The following NBPF11 variants were observed in gnomAD, a reference collection of about 807,000 sequenced individuals.
NBPF11 encodes NBPF member 11.
In NBPF11, 72 loss-of-function variants were observed where a neutral mutation model predicts 93.9. The observed-to-expected ratio is 0.77, with a 90% CI of 0.63 to 0.93. NBPF11 has a LOEUF of 0.93. NBPF11 is among the 40% of genes least tolerant of loss of function. The pLI is 0.00. For synonymous variants in NBPF11, 224 were observed against 304.9 expected (o/e 0.73, Z 2.76); for missense variants, 705 against 802.2 (o/e 0.88, Z 1.46).
Position 148,122,316 on chromosome 1 carries a change from T to C in NBPF11, c.567-50A>G, listed in dbSNP as rs1434804406. On this transcript the variant is annotated intron_variant, in intron 8 of 23. Coordinates refer to ENST00000682118, the MANE Select transcript of NBPF11 (RefSeq NM_001385469.3). ...TGACAGAAGATTAAACACAGAGGGATTGGACCCCAAGGAGTCCTAGCTGGT... is the reference window on the plus strand; with the variant it reads ...TGACAGAAGATTAAACACAGAGGGACTGGACCCCAAGGAGTCCTAGCTGGT... The C allele has an allele frequency of 2.8e-3, 4,543 of 1,610,396 alleles. 10 individuals carry two copies. The highest frequency in any genetic ancestry group is 3.6e-3 in the Non-Finnish European group (4,194 of 1,178,526).
intron 15 of NBPF11, among the ~76,000 whole-genome samples, chr1:148,111,919 T>A (rs1665374856): frequency 6.7e-6 from 1 of 150,284 alleles, no homozygotes; most frequent in African/African-American, 2.5e-5. Flanking sequence ...AAGATACTCC[T>A]CGAGAAGAGC....
chr1:148,103,828 G>C lies in NBPF11; in HGVS notation c.*68C>G, dbSNP rs1285786007. On this transcript the variant is annotated 3_prime_UTR_variant, in exon 24 of 24. Transcript: ENST00000682118. Reference sequence around the variant, plus strand: ...GCTGGAATGAGTCAGGTAGTTCAAAGTACATTGATGGAGTCGAATAATATC... The same window carrying C: ...GCTGGAATGAGTCAGGTAGTTCAAACTACATTGATGGAGTCGAATAATATC... 1.2e-5 allele frequency: 19 copies of C among 1,611,480 alleles called. No individual in the cohort carries two copies. The highest frequency in any genetic ancestry group is 1.4e-5 in the Non-Finnish European group (17 of 1,179,452).
intron 1 of NBPF11, among the ~76,000 whole-genome samples, chr1:148,148,454 G>A (rs2149313490): frequency 1.3e-5 from 2 of 152,206 alleles, no homozygotes; most frequent in East Asian, 3.9e-4. Context: ...CTGGGTCAGG[G>A]GCCGCACACC....
At chr1:148,121,412 G>A (rs12023796) in intron 9 of NBPF11, among the ~76,000 whole-genome samples, 18,568 of 144,434 alleles carry the variant, frequency 0.13, 1,281 homozygotes, top group East Asian at 0.25. Flanking sequence ...CAGTGCCACA[G>A]TCTCGGCTCA....
In NBPF11 at chr1:148,129,152, A is replaced by G. The variant is rs1419706059; in HGVS notation, c.-35-2114T>C. Among the ~76,000 whole-genome samples, 90 of 104,200 alleles carry G rather than the reference A, an allele frequency of 8.6e-4. 1 individual carries two copies. Among genetic ancestry groups the G allele is most frequent in the Admixed American group, 3.0e-3 (28 of 9,448 alleles). The allele number at this position is 104,200 out of a possible 152,430, so 68.4% of individuals were successfully genotyped here. ...ATTATTTATATATACACATGTATATATATTATATATATATACACATATATA... is the reference window on the plus strand; with the variant it reads ...ATTATTTATATATACACATGTATATGTATTATATATATATACACATATATA... On this transcript the variant is annotated intron_variant, in intron 4 of 23. Coordinates refer to ENST00000682118, the MANE Select transcript of NBPF11 (RefSeq NM_001385469.3).
intron 1 of NBPF11, chr1:148,146,473 G>T: frequency 1.2e-6 from 2 of 1,604,498 alleles, no homozygotes; most frequent in East Asian, 2.2e-5. Flanking sequence ...TGCCAAGCTC[G>T]CCTTCCTGCC....
At chr1:148,125,613 T>C (rs1216070502) in intron 5 of NBPF11, among the ~76,000 whole-genome samples, 11 of 152,076 alleles carry the variant, frequency 7.2e-5, no homozygotes, top group Admixed American at 7.2e-4. Context: ...GTTGTGTTAA[T>C]TTAGAAACAG....
intron 20 of NBPF11, 39 bp downstream of exon 20, chr1:148,106,903 C>T (rs1328269653): frequency 2.8e-6 from 2 of 705,352 alleles, no homozygotes; most frequent in Non-Finnish European, 5.1e-6. Context: ...ATCTGGAAGG[C>T]CAGGTGGAGG....
Position 148,105,426 on chromosome 1 carries a change from G to T in NBPF11, c.2406C>A (p.Ala802=). 4 of 1,119,850 alleles carry T rather than the reference G, an allele frequency of 3.6e-6. No homozygotes were observed. The Admixed American group carries it at 6.9e-5, about 19-fold the overall frequency. The allele number at this position is 1,119,850 out of a possible 1,614,324, so 69.4% of individuals were successfully genotyped here. ...LPVVLNSLTP[A]SPTEVPFMHW... ...GCATAAAAGGAACTTCCGTAGGGCT[G>T]GCAGGAGTCAGGCTGTTCAAGACAA... Residue 802 remains alanine (A), a synonymous_variant, in exon 22 of 24, where the codon GCC becomes GCA. Coordinates refer to ENST00000682118, the MANE Select transcript of NBPF11 (RefSeq NM_001385469.3).
chr1:148,122,390 C>G, intron 8 of NBPF11, 124 bp from the exon 9 acceptor site: 1 of 1,510,612 alleles, frequency 6.6e-7, no homozygotes. Flanking sequence ...AATGGAGGTT[C>G]CCTTTAAGAG....
Position 148,122,756 on chromosome 1 carries a change from T to C in NBPF11, c.539A>G (p.Glu180Gly), listed in dbSNP as rs1668165776. The change falls in exon 8 of 24, where the codon GAG becomes GGG. Residue 180 changes from glutamate (E) to glycine (G), a missense_variant. Physicochemically the swap from Glu to Gly is moderately conservative, Grantham distance 98. Transcript: ENST00000682118. ...EDEDVQVEED[E>G]KVLESSAPRE... ...GGGGGCAGATGATTCCAGTACTTTCTCATCCTCCTCAACTTGAACATCTTC... is the reference window on the plus strand; with the variant it reads ...GGGGGCAGATGATTCCAGTACTTTCCCATCCTCCTCAACTTGAACATCTTC... 1 of 1,609,654 alleles carries C rather than the reference T, an allele frequency of 6.2e-7. No homozygotes were observed. Among genetic ancestry groups the C allele is most frequent in the African/African-American group, 1.3e-5 (1 of 74,658 alleles).
intron 14 of NBPF11, among the ~76,000 whole-genome samples, chr1:148,115,336 T>G (rs1174451671): frequency 4.6e-5 from 7 of 150,838 alleles, no homozygotes; most frequent in Non-Finnish European, 1.5e-5. Flanking sequence ...TCAGGGTGAC[T>G]GTGCAGCTAA....
At position 148,124,098 on chromosome 1, in the gene NBPF11, G is replaced by A. The variant is rs1668524329; in HGVS notation, c.279-31C>T. 2.4e-5 allele frequency: 39 copies of A among 1,609,826 alleles called. No homozygotes were observed. In the South Asian group the frequency reaches 3.9e-4, roughly 16 times the overall value. On this transcript the variant is annotated intron_variant, in intron 6 of 23. Transcript: ENST00000682118. ...GTGAGACGGTAGAGAAAATTTAACAGTGAAAAGCATTGAGTGATCCGTTCA... is the reference window on the plus strand; with the variant it reads ...GTGAGACGGTAGAGAAAATTTAACAATGAAAAGCATTGAGTGATCCGTTCA...
At chr1:148,133,038 T>C (rs1409032306) in intron 4 of NBPF11, among the ~76,000 whole-genome samples, 8 of 149,236 alleles carry the variant, frequency 5.4e-5, no homozygotes, top group African/African-American at 7.5e-5. Context: ...GTGTGAGCCA[T>C]GGTGCCCAGT....
In NBPF11 at chr1:148,146,380, C is replaced by T. The variant is rs1482436387; in HGVS notation, c.-548-2694G>A. ...CGGGGGCCCCGGTGGAGGCCCGGCC[C>T]GGGCGGCGCCCGCCATGAACGGGCT... On this transcript the variant is annotated intron_variant, in intron 1 of 23. Transcript: ENST00000682118. 1.1e-5 allele frequency: 18 copies of T among 1,569,482 alleles called. No homozygotes were observed. In the Admixed American group the frequency reaches 2.9e-4, roughly 25 times the overall value.
chr1:148,113,525 C>T lies in NBPF11; in HGVS notation c.1637+912G>A, dbSNP rs1455688315. ...GACTCCACACAATCATCATGGGAGA[C>T]TTTAACACCCCACTGTCAATATTAG... On this transcript the variant is annotated intron_variant, in intron 15 of 23. Coordinates refer to ENST00000682118, the MANE Select transcript of NBPF11 (RefSeq NM_001385469.3). 2.5e-5 allele frequency among the ~76,000 whole-genome samples: 3 copies of T among 120,870 alleles called. No individual in the cohort carries two copies. The Admixed American group carries it at 2.6e-4, about 10-fold the overall frequency. The allele number at this position is 120,870 out of a possible 152,430, so 79.3% of individuals were successfully genotyped here. A position where few individuals can be genotyped will look rare whatever the true frequency, so the allele number is the denominator to read the frequency against.
chr1:148,108,705 C>T, intron 17 of NBPF11, 51 bp from the exon 18 acceptor site: 2 of 775,448 alleles, frequency 2.6e-6, no homozygotes, highest in Non-Finnish European at 4.7e-6. Flanking sequence ...TCAGAAACCA[C>T]ACAGCCCCAG....
At chr1:148,149,251 C>G in intron 1 of NBPF11, 2 of 1,594,642 alleles carry the variant, frequency 1.3e-6, no homozygotes, top group Non-Finnish European at 1.7e-6. Context: ...ACGAGTGTGC[C>G]GCGGTGGTGC....
At chr1:148,124,460 TGGGGC>T (rs1668610482) in intron 6 of NBPF11, among the ~76,000 whole-genome samples, 1 of 146,616 alleles carries the variant, frequency 6.8e-6, no homozygotes, top group African/African-American at 2.6e-5. Context: ...CAGGTGCAGA[TGGGGC>T]GAATTGAAAA....
Sources: allele counts gnomAD v4.1 joint callset (sites outside exome capture counted in the v4.1 genomes callset), GRCh38; gene constraint gnomAD v4.1.1; transcripts MANE v1.5; gene names NCBI Gene and HGNC (gene_info 2026-07-23, HGNC 2026-07-21).